The following ARCN1 variants were observed in gnomAD, a reference collection of about 807,000 sequenced individuals.
ARCN1 encodes the protein coatomer subunit delta.
Under a neutral mutation model 60.4 loss-of-function variants are expected in ARCN1, and 5 were observed. That is an observed-to-expected ratio of 0.08 (90% confidence interval 0.04 to 0.17). The LOEUF (loss-of-function observed/expected upper bound fraction) is 0.17, where lower values mean the gene tolerates loss of function less well. ARCN1 is among the 10% of genes least tolerant of loss of function. The pLI, the probability that ARCN1 is intolerant of heterozygous loss-of-function variation, is 1.00. For synonymous variants in ARCN1, 224 were observed against 220.0 expected (o/e 1.02, Z -0.16); for missense variants, 464 against 626.5 (o/e 0.74, Z 2.77).
chr11:118,583,678 A>T, intron 3 of ARCN1, 131 bp from the exon 4 acceptor site: 1 of 936,246 alleles, frequency 1.1e-6, no homozygotes, highest in Non-Finnish European at 1.6e-6. Flanking sequence ...GGATCACTTG[A>T]GCCCAGGAAG....
intron 2 of ARCN1, among the ~76,000 whole-genome samples, chr11:118,581,951 C>CAT (rs1394466455): frequency 6.6e-6 from 1 of 150,984 alleles, no homozygotes; most frequent in Admixed American, 6.6e-5. Flanking sequence ...CACACACACA[C>CAT]ACACACACAC....
chr11:118,600,664 A>G lies in ARCN1; in HGVS notation c.1486A>G (p.Arg496Gly). The G allele has an allele frequency of 6.2e-7, 1 of 1,612,884 alleles. No homozygotes were observed. Among genetic ancestry groups the G allele is most frequent in the South Asian group, 1.1e-5 (1 of 90,894 alleles). The change falls in exon 10 of 10, where the codon AGG (arginine) becomes GGG (glycine). Residue 496 changes from arginine to glycine, a missense_variant. Around this residue, in one of 2 missense-constraint regions of ARCN1, gnomAD observed 359 missense variants for 440.2 expected, o/e 0.82. Transcript: ENST00000264028. Reference protein sequence around the residue: ...VTQVDGNSPVRFSTETTFLVD... With the variant: ...VTQVDGNSPVGFSTETTFLVD... ...CCAGGTAGATGGAAACAGCCCCGTC[A>G]GGTTTTCCACAGAGACCACTTTCCT...
intron 6 of ARCN1, among the ~76,000 whole-genome samples, chr11:118,591,268 G>C (rs1489772913): frequency 2.0e-5 from 3 of 152,200 alleles, no homozygotes; most frequent in African/African-American, 7.2e-5. Flanking sequence ...TTACGGAAGA[G>C]TGTTTTTGTC....
chr11:118,597,937 T>C (rs368478910), intron 9 of ARCN1, 26 bp downstream of exon 9: 82 of 1,611,402 alleles, frequency 5.1e-5, no homozygotes, highest in Non-Finnish European at 6.1e-5. Flanking sequence ...TGAGAACATA[T>C]ATAGGGAAAG....
chr11:118,572,754 G>A, intron 1 of ARCN1: 2 of 529,272 alleles, frequency 3.8e-6, no homozygotes, highest in Non-Finnish European at 3.3e-6. Flanking sequence ...ATCTGTCGTC[G>A]TGCCCGCTTC....
chr11:118,591,640 C>G (rs1483895964), intron 6 of ARCN1, among the ~76,000 whole-genome samples: 2 of 152,022 alleles, frequency 1.3e-5, no homozygotes, highest in Non-Finnish European at 2.9e-5. Context: ...ATTCGCCCAC[C>G]TCATCATCCC....
intron 3 of ARCN1, 57 bp downstream of exon 3, chr11:118,583,415 T>G (rs1938704247): frequency 6.7e-7 from 1 of 1,502,622 alleles, no homozygotes; most frequent in East Asian, 2.4e-5. Context: ...TAGGCTTCAC[T>G]AATCTCATTT....
intron 9 of ARCN1, among the ~76,000 whole-genome samples, chr11:118,598,877 A>G (rs1174380817): frequency 2.0e-5 from 3 of 151,114 alleles, no homozygotes; most frequent in Non-Finnish European, 4.4e-5. Flanking sequence ...GCCCACTGCA[A>G]CCTCTGCCTC....
chr11:118,579,580 C>T (rs998958483), intron 1 of ARCN1, among the ~76,000 whole-genome samples: 4 of 150,438 alleles, frequency 2.7e-5, no homozygotes, highest in African/African-American at 7.3e-5. Context: ...CCCAGCTACT[C>T]GGGAGGCTGA....
chr11:118,572,460 C>T lies in ARCN1; in HGVS notation c.-88C>T, dbSNP rs1435455304. The T allele has an allele frequency of 6.1e-6, 9 of 1,470,486 alleles. No homozygotes were observed. Among genetic ancestry groups the T allele is most frequent in the Non-Finnish European group, 8.4e-6 (9 of 1,070,430 alleles). 91.1% of individuals were successfully genotyped at this position (1,470,486 alleles called of 1,614,324 possible). On this transcript the variant is annotated 5_prime_UTR_variant, in exon 1 of 10. Transcript: ENST00000264028. Reference sequence around the variant, plus strand: ...GGTTCCTGTCAAGGGGGCAGCAGGTCCAGAGCTGCTGGTGCTCCCGTTCCC... The same window carrying T: ...GGTTCCTGTCAAGGGGGCAGCAGGTTCAGAGCTGCTGGTGCTCCCGTTCCC...
chr11:118,601,891 T>C lies in ARCN1; in HGVS notation c.*1177T>C, dbSNP rs1939155897. 5.1e-6 allele frequency: 3 copies of C among 593,216 alleles called. No individual in the cohort carries two copies. In the East Asian group the frequency reaches 8.3e-5, roughly 17 times the overall value. The allele number at this position is 593,216 out of a possible 1,614,324, so 36.7% of individuals were successfully genotyped here. On this transcript the variant is annotated 3_prime_UTR_variant, in exon 10 of 10. Transcript: ENST00000264028. ...ATGTCTGCTGCTGTTGCTACCCAAA[T>C]TTTCATTTCTCCACATTTTGGGTAC... is the stretch of plus-strand genomic sequence containing the variant.
chr11:118,598,426 C>A (rs782171522), intron 9 of ARCN1, among the ~76,000 whole-genome samples: 1 of 150,276 alleles, frequency 6.7e-6, no homozygotes, highest in Non-Finnish European at 1.5e-5. Flanking sequence ...TGAGCCAATT[C>A]TGTTGCAAAC....
rs544734097 is a variant in ARCN1, at chr11:118,595,271, C to T, written c.1241+1573C>T. 4.6e-5 allele frequency among the ~76,000 whole-genome samples: 7 copies of T among 152,292 alleles called. No individual in the cohort carries two copies. In the South Asian group the frequency reaches 8.3e-4, roughly 18 times the overall value. ...CAGGTTTCAAAGAAATTGAGTCTAT[C>T]GGGCTGAATGTTTCATTTTCACGTG... On this transcript the variant is annotated intron_variant, in intron 8 of 9. Coordinates refer to ENST00000264028, the MANE Select transcript of ARCN1 (RefSeq NM_001655.5).
chr11:118,582,318 C>T (rs1380948857), intron 2 of ARCN1, among the ~76,000 whole-genome samples: 5 of 151,934 alleles, frequency 3.3e-5, no homozygotes, highest in Non-Finnish European at 4.4e-5. Flanking sequence ...AATTTTTGTA[C>T]GGGGTTTCAC....
At chr11:118,581,159 T>A (rs1938640571) in intron 1 of ARCN1, 87 bp from the exon 2 acceptor site, 1 of 1,509,616 alleles carries the variant, frequency 6.6e-7, no homozygotes, top group South Asian at 1.2e-5. Flanking sequence ...TAAATAAATA[T>A]GTCATTCTAT....
At chr11:118,582,379 C>T (rs1938676629) in intron 2 of ARCN1, among the ~76,000 whole-genome samples, 1 of 152,068 alleles carries the variant, frequency 6.6e-6, no homozygotes, top group Non-Finnish European at 1.5e-5. Flanking sequence ...ATCTGCCTAT[C>T]TTGGCGTCCC....
intron 4 of ARCN1, 145 bp from the exon 5 acceptor site, chr11:118,584,335 G>A (rs1555075143): frequency 1.4e-6 from 1 of 733,274 alleles, no homozygotes; most frequent in Non-Finnish European, 2.1e-6. Flanking sequence ...TGATTTTAGG[G>A]GAAATCTGTG....
chr11:118,597,586 C>T, intron 8 of ARCN1, 121 bp from the exon 9 acceptor site: 6 of 964,088 alleles, frequency 6.2e-6, no homozygotes, highest in South Asian at 3.4e-5. Context: ...CCTTTTTTTC[C>T]CCTGAAATTG....
intron 8 of ARCN1, among the ~76,000 whole-genome samples, chr11:118,595,515 C>T (rs1591391278): frequency 6.6e-6 from 1 of 152,172 alleles, no homozygotes; most frequent in East Asian, 1.9e-4. Context: ...GTCATGTCAA[C>T]CCCAGAAGTT....
Sources: allele counts gnomAD v4.1 joint callset (sites outside exome capture counted in the v4.1 genomes callset), GRCh38; gene constraint gnomAD v4.1.1; regional missense constraint gnomAD v4.1.1; transcripts MANE v1.5; gene names NCBI Gene and HGNC (gene_info 2026-07-23, HGNC 2026-07-21).